Variants in CASR observed in about 807,000 individuals in gnomAD.
CASR encodes calcium sensing receptor.
In CASR, 23 loss-of-function variants were observed where a neutral mutation model predicts 69.1. The ratio of observed to expected loss-of-function variants is 0.33; its 90% CI spans 0.24 to 0.47. The LOEUF (loss-of-function observed/expected upper bound fraction) is 0.47, where lower values mean the gene tolerates loss of function less well. CASR is among the 20% of genes least tolerant of loss of function. The pLI is 1.00. For synonymous variants in CASR, 541 were observed against 544.7 expected, an observed-to-expected ratio of 0.99 and a Z score of 0.10; for missense variants, 924 against 1,356.1, an observed-to-expected ratio of 0.68 and a Z score of 5.00.
At chr3:122,261,472 T>C in intron 3 of CASR, 56 bp from the exon 4 acceptor site, 3 of 1,553,848 alleles carry the variant, frequency 1.9e-6, no homozygotes, top group Non-Finnish European at 2.7e-6. Context: ...GGAGGCTCAC[T>C]CAGCACCTCT....
intron 1 of CASR, among the ~76,000 whole-genome samples, chr3:122,192,291 C>G (rs2073847276): frequency 6.6e-6 from 1 of 152,188 alleles, no homozygotes; most frequent in Non-Finnish European, 1.5e-5. Context: ...CCAGGCTCTA[C>G]TTTTTTCATC....
At chr3:122,255,312 A>T (rs2074543204) in intron 2 of CASR, among the ~76,000 whole-genome samples, 1 of 152,216 alleles carries the variant, frequency 6.6e-6, no homozygotes, top group African/African-American at 2.4e-5. Context: ...TCTTCTAGAG[A>T]GACTTGCAAC....
At chr3:122,252,564 G>T (rs2074509669) in intron 1 of CASR, among the ~76,000 whole-genome samples, 1 of 151,554 alleles carries the variant, frequency 6.6e-6, no homozygotes, top group African/African-American at 2.4e-5. Context: ...AAAAGAAAAA[G>T]AAATAAATGA....
intron 5 of CASR, among the ~76,000 whole-genome samples, chr3:122,277,327 G>A (rs912941782): frequency 7.9e-5 from 12 of 152,104 alleles, no homozygotes; most frequent in South Asian, 4.2e-4. Context: ...GATGACAGAC[G>A]TGAGCCACCA....
At chr3:122,217,436 G>A (rs182553013) in intron 1 of CASR, among the ~76,000 whole-genome samples, 5 of 152,238 alleles carry the variant, frequency 3.3e-5, no homozygotes, top group Admixed American at 6.5e-5. Context: ...GTAGCTGATG[G>A]TACCCAATCT....
Position 122,290,095 on chromosome 3 carries a change from A to AG in CASR, c.*4905dup, listed in dbSNP as rs1491518209. On this transcript the variant is annotated 3_prime_UTR_variant, in exon 7 of 7. Coordinates refer to ENST00000639785, the MANE Select transcript of CASR (RefSeq NM_000388.4). ...AAGACCCTGCCAAAAAAAAAAAAAAAGAAGAAGAAAAACAATTTTATTGGT... is the reference window on the plus strand; with the variant it reads ...AAGACCCTGCCAAAAAAAAAAAAAAAGGAAGAAGAAAAACAATTTTATTGGT... 8.0e-6 allele frequency: 1 copy of AG among 125,372 alleles called. No individual in the cohort carries two copies. The highest frequency in any genetic ancestry group is 1.7e-5 in the Non-Finnish European group (1 of 57,660). 7.8% of individuals were successfully genotyped at this position (125,372 alleles called of 1,614,324 possible). A position where few individuals can be genotyped will look rare whatever the true frequency, so the allele number is the denominator to read the frequency against.
At chr3:122,204,284 A>G (rs2073985280) in intron 1 of CASR, among the ~76,000 whole-genome samples, 1 of 152,136 alleles carries the variant, frequency 6.6e-6, no homozygotes, top group Non-Finnish European at 1.5e-5. Context: ...CTCTGTTTTC[A>G]TGAGATCCAC....
chr3:122,265,697 G>A (rs144131965), intron 4 of CASR, among the ~76,000 whole-genome samples: 1 of 152,292 alleles, frequency 6.6e-6, no homozygotes, highest in East Asian at 1.9e-4. Context: ...CTTTGGTCAC[G>A]TGCCCACTAT....
At chr3:122,251,512 C>T (rs1371621263) in intron 1 of CASR, among the ~76,000 whole-genome samples, 1 of 152,228 alleles carries the variant, frequency 6.6e-6, no homozygotes, top group Non-Finnish European at 1.5e-5. Context: ...ACCCGAAGGC[C>T]TACAGTTCAC....
Position 122,285,467 on chromosome 3 carries a change from T to C in CASR, c.*276T>C. The C allele has an allele frequency of 2.3e-6, 1 of 432,884 alleles. No homozygotes were observed. Among genetic ancestry groups the C allele is most frequent in the Non-Finnish European group, 4.3e-6 (1 of 232,296 alleles). The allele number at this position is 432,884 out of a possible 1,614,324, so 26.8% of individuals were successfully genotyped here. On this transcript the variant is annotated 3_prime_UTR_variant, in exon 7 of 7. Coordinates refer to ENST00000639785, the MANE Select transcript of CASR (RefSeq NM_000388.4). The stretch of plus-strand genomic sequence containing the variant: ...GCTGTTCACCCACATCTAATGTCTC[T>C]TCCTCTGTTCTATCCCACCCAACAG...
chr3:122,243,700 A>G (rs529347820), intron 1 of CASR, among the ~76,000 whole-genome samples: 20 of 152,284 alleles, frequency 1.3e-4, no homozygotes, highest in South Asian at 1.2e-3. Flanking sequence ...AAAGGAAATC[A>G]GTATATCAAA....
Position 122,284,827 on chromosome 3 carries a change from A to T in CASR, c.2873A>T (p.Gln958Leu). The T allele has an allele frequency of 1.9e-6, 3 of 1,614,176 alleles. No homozygotes were observed. The highest frequency in any genetic ancestry group is 2.5e-6 in the Non-Finnish European group (3 of 1,180,024). The stretch of plus-strand genomic sequence containing the variant: ...CTCCCACAGCAGCAACGATCTCAGC[A>T]GCAGCCCAGATGCAAGCAGAAGGTC... ...LTLPQQQRSQ[Q>L]QPRCKQKVIF... The change falls in exon 7 of 7, where the codon CAG becomes CTG. Residue 958 changes from glutamine (Q) to leucine (L), a missense_variant. Gln to Leu is a moderately radical substitution (Grantham distance 113). This residue lies in a region of CASR where 201 missense variants were observed against 228.8 expected (regional missense o/e 0.88). Coordinates refer to ENST00000639785, the MANE Select transcript of CASR (RefSeq NM_000388.4).
intron 2 of CASR, among the ~76,000 whole-genome samples, chr3:122,255,359 C>T (rs2074543986): frequency 1.3e-5 from 2 of 152,170 alleles, no homozygotes; most frequent in Non-Finnish European, 1.5e-5. Context: ...TTGCTCTTCC[C>T]AATAGCTGGA....
intron 4 of CASR, among the ~76,000 whole-genome samples, chr3:122,274,933 T>C (rs897447303): frequency 6.6e-6 from 1 of 152,084 alleles, no homozygotes; most frequent in Non-Finnish European, 1.5e-5. Context: ...CAGGAGCATG[T>C]GAGGAAGCAG....
At chr3:122,197,969 T>C (rs1318542724) in intron 1 of CASR, among the ~76,000 whole-genome samples, 1 of 152,206 alleles carries the variant, frequency 6.6e-6, no homozygotes, top group African/African-American at 2.4e-5. Context: ...CCCTGAAGCA[T>C]TTTTTCAGAT....
At chr3:122,252,441 G>GAAAGAAAGAAAGAAAGAAAGAA (rs1559954380) in intron 1 of CASR, among the ~76,000 whole-genome samples, 2 of 79,098 alleles carry the variant, frequency 2.5e-5, no homozygotes, top group African/African-American at 5.5e-5. Flanking sequence ...AAGAAAGAAA[G>GAAAGAAAGAAAGAAAGAAAGAA]AAAGAAAAAA....
At chr3:122,215,051 T>C in intron 1 of CASR, among the ~76,000 whole-genome samples, 1 of 152,140 alleles carries the variant, frequency 6.6e-6, no homozygotes, top group East Asian at 1.9e-4. Flanking sequence ...TTGCTTTTGC[T>C]GCCATCTCGA....
intron 4 of CASR, among the ~76,000 whole-genome samples, chr3:122,263,873 A>G (rs1331887825): frequency 1.3e-5 from 2 of 152,116 alleles, no homozygotes; most frequent in Non-Finnish European, 2.9e-5. Flanking sequence ...TGGGGTTTTA[A>G]GTAGGAGGAG....
chr3:122,188,310 A>T (rs534977996), intron 1 of CASR, among the ~76,000 whole-genome samples: 1 of 152,230 alleles, frequency 6.6e-6, no homozygotes, highest in Non-Finnish European at 1.5e-5. Flanking sequence ...CCACCACAGA[A>T]CTAAGTTACT....
Sources: gnomAD v4.1 joint callset for allele counts (sites outside exome capture counted in the v4.1 genomes callset) on GRCh38, gnomAD v4.1.1 for gene constraint, gnomAD v4.1.1 regional missense constraint, MANE v1.5 for transcripts, NCBI Gene and HGNC (gene_info 2026-07-23, HGNC 2026-07-21) for gene names.